Variants in CMPK1 observed in about 807,000 individuals in gnomAD.
CMPK1 encodes the protein UMP-CMP kinase.
In CMPK1, 10 loss-of-function variants were observed where a neutral mutation model predicts 25.7. That is an observed-to-expected ratio of 0.39 (90% CI 0.24 to 0.66). The LOEUF (loss-of-function observed/expected upper bound fraction) is 0.66. Ranked by LOEUF, CMPK1 falls within the 30% of genes least tolerant of loss-of-function variation. The pLI is 0.48. For missense variants in CMPK1, 199 were observed against 280.5 expected, an observed-to-expected ratio of 0.71 and a Z score of 2.08; for synonymous variants, 106 against 101.5, an observed-to-expected ratio of 1.04 and a Z score of -0.27.
chr1:47,375,250 T>C lies in CMPK1; in HGVS notation c.602T>C (p.Met201Thr). 1 of 1,608,420 alleles carries C rather than the reference T, an allele frequency of 6.2e-7. No homozygotes were observed. The highest frequency in any genetic ancestry group is 1.1e-5 in the South Asian group (1 of 89,600). Residue 201 changes from methionine (M) to threonine (T), a missense_variant, in exon 5 of 6, where the codon ATG becomes ACG. Transcript: ENST00000371873. Reference protein sequence around the residue: ...TKPIIDLYEEMGKVKKIDASK... With the variant: ...TKPIIDLYEETGKVKKIDASK... ...CCAATTATTGACTTATATGAAGAAATGGGGAAAGTCAAGAAAATAGATGCT... is the reference window on the plus strand; with the variant it reads ...CCAATTATTGACTTATATGAAGAAACGGGGAAAGTCAAGAAAATAGATGCT...
chr1:47,370,015 C>T (rs995728710), intron 2 of CMPK1, among the ~76,000 whole-genome samples: 4 of 118,468 alleles, frequency 3.4e-5, no homozygotes, highest in Non-Finnish European at 6.1e-5. Context: ...CCTGGGTTCA[C>T]GCCATTCTCC....
At chr1:47,334,863 A>C (rs1450131662) in intron 1 of CMPK1, among the ~76,000 whole-genome samples, 1 of 152,236 alleles carries the variant, frequency 6.6e-6, no homozygotes, top group Non-Finnish European at 1.5e-5. Context: ...GTAATACAGT[A>C]AAAAGAGTCT....
At chr1:47,375,486 ACT>A (rs766660284) in intron 5 of CMPK1, among the ~76,000 whole-genome samples, 193 bp downstream of exon 5, 7 of 137,864 alleles carry the variant, frequency 5.1e-5, no homozygotes, top group Non-Finnish European at 9.8e-5. Context: ...ACATACTGGG[ACT>A]CTGTCTCTTA....
intron 1 of CMPK1, among the ~76,000 whole-genome samples, chr1:47,366,103 C>T (rs2820987): frequency 0.42 from 63,684 of 151,868 alleles, 15,430 homozygotes; most frequent in South Asian, 0.55. Context: ...CTGAGGCACG[C>T]GAATTGCTTG....
chr1:47,340,900 G>C (rs570260246), intron 1 of CMPK1, among the ~76,000 whole-genome samples: 4 of 152,218 alleles, frequency 2.6e-5, no homozygotes, highest in South Asian at 2.1e-4. Context: ...GCCTCCCAAA[G>C]TGTTGGGATT....
intron 1 of CMPK1, 90 bp downstream of exon 1, chr1:47,334,206 C>A (rs1359245621): frequency 1.8e-5 from 21 of 1,157,166 alleles, no homozygotes; most frequent in South Asian, 7.1e-5. Context: ...CCCGCGGAGT[C>A]GCCGAGCCGC....
intron 1 of CMPK1, among the ~76,000 whole-genome samples, chr1:47,338,367 A>G (rs1208700383): frequency 6.6e-6 from 1 of 152,162 alleles, no homozygotes; most frequent in East Asian, 1.9e-4. Flanking sequence ...AGACCTAGAG[A>G]AGGTAAAGGC....
intron 1 of CMPK1, among the ~76,000 whole-genome samples, chr1:47,354,103 T>C (rs902448805): frequency 1.3e-5 from 2 of 152,102 alleles, no homozygotes; most frequent in African/African-American, 4.8e-5. Flanking sequence ...GGTGGAAGGA[T>C]TGCTTGAGCC....
chr1:47,335,731 T>A (rs902666349), intron 1 of CMPK1, among the ~76,000 whole-genome samples: 1 of 152,116 alleles, frequency 6.6e-6, no homozygotes, highest in African/African-American at 2.4e-5. Context: ...TAAAAAAATT[T>A]TTTTTTGTTG....
chr1:47,369,492 G>C (rs1487471589), intron 2 of CMPK1, among the ~76,000 whole-genome samples: 6 of 152,106 alleles, frequency 3.9e-5, no homozygotes. Flanking sequence ...CATTCAGACA[G>C]TTATTCTCTT....
chr1:47,356,160 C>T (rs1646559420), intron 1 of CMPK1, among the ~76,000 whole-genome samples: 1 of 152,100 alleles, frequency 6.6e-6, no homozygotes, highest in African/African-American at 2.4e-5. Context: ...TGTTTTAGAA[C>T]TTTAATTCAC....
At chr1:47,343,545 C>T (rs1646458379) in intron 1 of CMPK1, among the ~76,000 whole-genome samples, 1 of 151,024 alleles carries the variant, frequency 6.6e-6, no homozygotes, top group African/African-American at 2.4e-5. Context: ...ACAAAACTTC[C>T]CTGTACTTGT....
intron 1 of CMPK1, among the ~76,000 whole-genome samples, chr1:47,364,506 C>T (rs1014647434): frequency 4.6e-5 from 7 of 151,468 alleles, no homozygotes; most frequent in African/African-American, 1.5e-4. Flanking sequence ...TTAGTAGAGA[C>T]GGGGGTTTCA....
intron 1 of CMPK1, among the ~76,000 whole-genome samples, chr1:47,334,500 A>C (rs919460384): frequency 2.0e-5 from 3 of 152,126 alleles, no homozygotes; most frequent in Non-Finnish European, 4.4e-5. Context: ...AGGAGCGCGG[A>C]TTTGGGTTAG....
intron 1 of CMPK1, among the ~76,000 whole-genome samples, chr1:47,351,057 G>A (rs1402907071): frequency 6.6e-6 from 1 of 151,962 alleles, no homozygotes; most frequent in African/African-American, 2.4e-5. Context: ...TTTGTGTCTG[G>A]CTTATTTTAC....
chr1:47,357,064 C>T (rs1646565607), intron 1 of CMPK1, among the ~76,000 whole-genome samples: 1 of 150,588 alleles, frequency 6.6e-6, no homozygotes, highest in South Asian at 2.1e-4. Context: ...CCTGGGTTCA[C>T]GCCATTCTCC....
chr1:47,364,461 C>T (rs1056010672), intron 1 of CMPK1, among the ~76,000 whole-genome samples: 4 of 151,510 alleles, frequency 2.6e-5, no homozygotes, highest in Admixed American at 6.6e-5. Context: ...GGACTACAGG[C>T]GCCTGCCACC....
chr1:47,371,593 A>G (rs906527620), intron 2 of CMPK1, among the ~76,000 whole-genome samples: 6 of 151,924 alleles, frequency 3.9e-5, no homozygotes, highest in African/African-American at 7.3e-5. Flanking sequence ...CTATTTCTCT[A>G]TCCTCTTTAA....
intron 1 of CMPK1, among the ~76,000 whole-genome samples, chr1:47,340,204 C>T (rs1002159706): frequency 2.6e-5 from 4 of 151,916 alleles, no homozygotes; most frequent in African/African-American, 7.3e-5. Flanking sequence ...CTTTCCACCT[C>T]AGCCTCCCAA....
Sources: allele counts gnomAD v4.1 joint callset (sites outside exome capture counted in the v4.1 genomes callset), GRCh38; gene constraint gnomAD v4.1.1; transcripts MANE v1.5; gene names NCBI Gene and HGNC (gene_info 2026-07-23, HGNC 2026-07-21).